Variants in ZFPL1 observed in about 807,000 individuals in gnomAD.
The protein encoded by ZFPL1 is zinc finger protein-like 1.
In ZFPL1, 28 loss-of-function variants were observed where a neutral mutation model predicts 32.0. The observed-to-expected ratio is 0.87, with a 90% CI of 0.65 to 1.20. The LOEUF (loss-of-function observed/expected upper bound fraction) is 1.20. Ranked by LOEUF, ZFPL1 falls within the 50% of genes most tolerant of loss-of-function variation. ZFPL1 has a pLI of 0.00. For missense variants in ZFPL1, 386 were observed against 424.8 expected (o/e 0.91, Z 0.80); for synonymous variants, 165 against 177.0 (o/e 0.93, Z 0.54).
chr11:65,087,561 G>A, intron 7 of ZFPL1, 128 bp downstream of exon 7: 2 of 895,222 alleles, frequency 2.2e-6, no homozygotes, highest in South Asian at 3.0e-5. Flanking sequence ...CTGGTGCTGG[G>A]GCTGTGCAGA....
In ZFPL1 at chr11:65,087,061, G is replaced by A. The variant is rs768540506; in HGVS notation, c.615G>A (p.Glu205=). 145 of 1,613,146 alleles carry A rather than the reference G, an allele frequency of 9.0e-5. 2 individuals carry two copies. The South Asian group carries it at 1.6e-3, about 17-fold the overall frequency. ...QHTVIHMGNP[E]PLTHAPRKVY... is the part of the protein sequence containing the mutation. ...CAGTGATCCACATGGGCAATCCTGA[G>A]CCCTTGACTCACGGTGAGCCTGGGA... The change falls in exon 6 of 8, where the codon GAG becomes GAA. Residue 205 remains glutamate, a synonymous_variant. Transcript: ENST00000294258.
chr11:65,085,602 G>C (rs1291053089), intron 3 of ZFPL1: 1 of 281,634 alleles, frequency 3.6e-6, no homozygotes, highest in Admixed American at 4.7e-5. Context: ...AAACAGAGAG[G>C]AAGTGAGTTT....
At chr11:65,087,693 A>G (rs1477565897) in intron 7 of ZFPL1, 1 of 617,540 alleles carries the variant, frequency 1.6e-6, no homozygotes, top group Non-Finnish European at 2.8e-6. Context: ...ACACCCCCTA[A>G]TCTTTGTAAT....
In ZFPL1 at chr11:65,084,241, G is replaced by T. The variant is rs942962184; in HGVS notation, c.-146G>T. The stretch of plus-strand genomic sequence containing the variant: ...CCCGGAAGAGACGTGGCAGCGGAGG[G>T]ATAATCGGGGCGGCCGGGGCTGAAG... On this transcript the variant is annotated 5_prime_UTR_variant, in exon 1 of 8. Transcript: ENST00000294258. 1.3e-4 allele frequency: 76 copies of T among 579,758 alleles called. No individual in the cohort carries two copies. Among genetic ancestry groups the T allele is most frequent in the Non-Finnish European group, 1.8e-5 (6 of 327,492 alleles). 35.9% of individuals were successfully genotyped at this position (579,758 alleles called of 1,614,324 possible).
In ZFPL1 at chr11:65,088,191, G is replaced by A. The variant is rs1947698980; in HGVS notation, c.*77G>A. Reference sequence around the variant, plus strand: ...AGGCGGGGTAATGGGGAGGCTGAGGGCACCTCTTCACTGCCCCTCTCCCTC... The same window carrying A: ...AGGCGGGGTAATGGGGAGGCTGAGGACACCTCTTCACTGCCCCTCTCCCTC... On this transcript the variant is annotated 3_prime_UTR_variant, in exon 8 of 8. Transcript: ENST00000294258. 9.3e-6 allele frequency: 14 copies of A among 1,512,242 alleles called. No individual in the cohort carries two copies. The highest frequency in any genetic ancestry group is 1.3e-5 in the Non-Finnish European group (14 of 1,118,026). 93.7% of individuals were successfully genotyped at this position (1,512,242 alleles called of 1,614,324 possible).
chr11:65,087,875 G>T lies in ZFPL1; in HGVS notation c.747-53G>T, dbSNP rs572699315. The T allele has an allele frequency of 1.5e-5, 23 of 1,503,390 alleles. No individual in the cohort carries two copies. The South Asian group carries it at 2.1e-4, about 14-fold the overall frequency. The allele number at this position is 1,503,390 out of a possible 1,614,324, so 93.1% of individuals were successfully genotyped here. A position where few individuals can be genotyped will look rare whatever the true frequency, so the allele number is the denominator to read the frequency against. ...TGGTGACCAGGGCTTCTCTCCAGCC[G>T]CGGGGGCCACCAGGGACTGGGGCCT... On this transcript the variant is annotated intron_variant, in intron 7 of 7. Transcript: ENST00000294258.
At chr11:65,087,227 C>G in intron 6 of ZFPL1, 89 bp from the exon 7 acceptor site, 1 of 1,561,704 alleles carries the variant, frequency 6.4e-7, no homozygotes, top group Non-Finnish European at 8.8e-7. Context: ...GATGTTCTGT[C>G]AGACTGAGGA....
In ZFPL1 at chr11:65,088,204, GC is replaced by G. The variant is rs1947699109; in HGVS notation, c.*94del. 3.4e-6 allele frequency: 5 copies of G among 1,454,052 alleles called. No individual in the cohort carries two copies. The highest frequency in any genetic ancestry group is 4.7e-6 in the Non-Finnish European group (5 of 1,068,510). 90.1% of individuals were successfully genotyped at this position (1,454,052 alleles called of 1,614,324 possible). Reference sequence around the variant, plus strand: ...GGGAGGCTGAGGGCACCTCTTCACTGCCCCTCTCCCTCAAGCCTAAGACACT... The same window carrying G: ...GGGAGGCTGAGGGCACCTCTTCACTGCCCTCTCCCTCAAGCCTAAGACACT... On this transcript the variant is annotated 3_prime_UTR_variant, in exon 8 of 8. Coordinates refer to ENST00000294258, the MANE Select transcript of ZFPL1 (RefSeq NM_006782.4).
At position 65,084,773 on chromosome 11, in the gene ZFPL1, G is replaced by A; in HGVS notation, c.75G>A (p.Glu25=). ...TCGAACATCGGGTCAACGTCTGCGA[G>A]CACTGCCTGGTAGCCAATCACGCCA... is the stretch of plus-strand genomic sequence containing the variant. ...FCFEHRVNVC[E]HCLVANHAKC... Residue 25 remains glutamate, a synonymous_variant, in exon 2 of 8, where the codon GAG becomes GAA. Transcript: ENST00000294258. The A allele has an allele frequency of 6.2e-7, 1 of 1,614,124 alleles. No homozygotes were observed. The highest frequency in any genetic ancestry group is 8.5e-7 in the Non-Finnish European group (1 of 1,180,024).
chr11:65,086,335 G>A, intron 3 of ZFPL1, 80 bp from the exon 4 acceptor site: 3 of 1,561,478 alleles, frequency 1.9e-6, no homozygotes, highest in East Asian at 2.2e-5. Flanking sequence ...TCCTGCAATG[G>A]TCTGGGGACT....
intron 7 of ZFPL1, chr11:65,087,677 G>A (rs923550196): frequency 2.4e-5 from 15 of 612,364 alleles, no homozygotes; most frequent in African/African-American, 9.2e-5. Context: ...GCCCCTTCCC[G>A]ATCTGACACC....
Position 65,084,327 on chromosome 11 carries a change from T to C in ZFPL1, c.-60T>C. ...GCCCTTCCGCGCCTCGAGCCATCGC[T>C]ACCGCCCTTCGGAACCAGTGCAGCG... On this transcript the variant is annotated 5_prime_UTR_variant, in exon 1 of 8. Coordinates refer to ENST00000294258, the MANE Select transcript of ZFPL1 (RefSeq NM_006782.4). 2 of 489,786 alleles carry C rather than the reference T, an allele frequency of 4.1e-6. No homozygotes were observed. Among genetic ancestry groups the C allele is most frequent in the East Asian group, 4.0e-5 (1 of 24,826 alleles). The allele number at this position is 489,786 out of a possible 1,614,324, so 30.3% of individuals were successfully genotyped here. A position where few individuals can be genotyped will look rare whatever the true frequency, so the allele number is the denominator to read the frequency against.
rs1221216903 is a variant in ZFPL1, at chr11:65,085,223, T to C, written c.211T>C (p.Tyr71His). Residue 71 changes from tyrosine (Y) to histidine (H), a missense_variant, in exon 3 of 8, where the codon TAT (tyrosine) becomes CAT (histidine). Coordinates refer to ENST00000294258, the MANE Select transcript of ZFPL1 (RefSeq NM_006782.4). ...ASRETTRLVC[Y>H]DLFHWACLNE... ...CCGAGAGACGACCCGCCTTGTCTGC[T>C]ATGGTGAGGCCTTGGCACCTCGGGG... The C allele has an allele frequency of 1.9e-6, 3 of 1,613,956 alleles. No individual in the cohort carries two copies. The African/African-American group carries it at 4.0e-5, about 22-fold the overall frequency.
At position 65,086,724 on chromosome 11, in the gene ZFPL1, A is replaced by G; in HGVS notation, c.413A>G (p.Asp138Gly). 1.2e-6 allele frequency: 2 copies of G among 1,614,192 alleles called. No homozygotes were observed. Among genetic ancestry groups the G allele is most frequent in the Non-Finnish European group, 1.7e-6 (2 of 1,180,022 alleles). The change falls in exon 5 of 8, where the codon GAT becomes GGT. Residue 138 changes from aspartate (D) to glycine (G), a missense_variant. Coordinates refer to ENST00000294258, the MANE Select transcript of ZFPL1 (RefSeq NM_006782.4). ...GACCCAGATTCCTTCCTCCAGATCG[A>G]TGAGGTGGTGAGCCCAGAGCCCGAG... ...ARAGLGLPLI[D>G]EVVSPEPEPL...
At chr11:65,086,850 TC>T in intron 5 of ZFPL1, 58 bp downstream of exon 5, 1 of 1,613,708 alleles carries the variant, frequency 6.2e-7, no homozygotes, top group Non-Finnish European at 8.5e-7. Flanking sequence ...TGCTGACAGC[TC>T]CCTTGGTCTG....
rs1044931080 is a variant in ZFPL1, at chr11:65,085,153, C to T, written c.141C>T (p.Ser47=). The T allele has an allele frequency of 2.9e-5, 47 of 1,614,036 alleles. No individual in the cohort carries two copies. The highest frequency in any genetic ancestry group is 3.7e-5 in the Non-Finnish European group (44 of 1,180,034). Residue 47 remains serine, a synonymous_variant, in exon 3 of 8, where the codon AGC becomes AGT. Coordinates refer to ENST00000294258, the MANE Select transcript of ZFPL1 (RefSeq NM_006782.4). ...VQSYLQWLQD[S]DYNPNCRLCN... is the part of the protein sequence containing the mutation. ...CCTACCTGCAATGGCTCCAAGATAG[C>T]GACTACAACCCCAATTGCCGCCTGT...
At chr11:65,085,270 C>A (rs1448528002) in intron 3 of ZFPL1, 44 bp downstream of exon 3, 1 of 1,568,836 alleles carries the variant, frequency 6.4e-7, no homozygotes, top group Non-Finnish European at 8.8e-7. Context: ...GCCTCAGGGG[C>A]CAGCTTGGTG....
chr11:65,087,074 G>A lies in ZFPL1; in HGVS notation c.628G>A (p.Ala210Thr), dbSNP rs1481581282. The A allele has an allele frequency of 2.5e-6, 4 of 1,611,948 alleles. No individual in the cohort carries two copies. The highest frequency in any genetic ancestry group is 1.6e-4 in the Middle Eastern group (1 of 6,074). The change falls in exon 6 of 8, where the codon GCC becomes ACC. Residue 210 changes from alanine to threonine, a missense_variant and splice_region_variant. Transcript: ENST00000294258. ...GGGCAATCCTGAGCCCTTGACTCAC[G>A]GTGAGCCTGGGAGTTATCCAGGCCG... ...HMGNPEPLTHAPRKVYDTRDD... is the reference protein window; with the variant it reads ...HMGNPEPLTHTPRKVYDTRDD...
chr11:65,085,976 T>TCTCGGTGGTCGCCGTATCATTAA, intron 3 of ZFPL1: 1 of 249,850 alleles, frequency 4.0e-6, no homozygotes, highest in Non-Finnish European at 7.9e-6. Flanking sequence ...ATAGTGTAGA[T>TCTCGGTGGTCGCCGTATCATTAA]ATAGGGAATG....
Sources: gnomAD v4.1 joint callset for allele counts on GRCh38, gnomAD v4.1.1 for gene constraint, MANE v1.5 for transcripts, NCBI Gene and HGNC (gene_info 2026-07-23, HGNC 2026-07-21) for gene names.